Variants in TOGARAM2 observed in about 807,000 individuals in gnomAD.
The protein encoded by TOGARAM2 is TOG array regulator of axonemal microtubules protein 2.
TOGARAM2 carries 85 observed loss-of-function variants against 93.3 expected under a neutral mutation model. The observed-to-expected ratio is 0.91, with a 90% CI of 0.76 to 1.09. TOGARAM2 has a LOEUF of 1.09. Among genes scored for constraint, TOGARAM2 ranks in the 50% least tolerant of loss-of-function variants. TOGARAM2 has a pLI of 0.00. For synonymous variants in TOGARAM2, 593 were observed against 552.8 expected (o/e 1.07, Z -1.02); for missense variants, 1,277 against 1,334.5 (o/e 0.96, Z 0.67).
intron 10 of TOGARAM2, among the ~76,000 whole-genome samples, chr2:29,019,202 A>G (rs1328565828): frequency 9.1e-6 from 1 of 109,478 alleles, no homozygotes; most frequent in East Asian, 2.4e-4. Flanking sequence ...TTTTTTTATG[A>G]CAGAGTCTCA....
At chr2:29,006,905 C>A (rs543225936) in intron 6 of TOGARAM2, among the ~76,000 whole-genome samples, 3 of 152,300 alleles carry the variant, frequency 2.0e-5, no homozygotes, top group African/African-American at 7.2e-5. Context: ...TGGCCCCAGA[C>A]CTGTGGCCTT....
upstream of TOGARAM2, among the ~76,000 whole-genome samples, chr2:28,979,770 C>T (rs7599523): frequency 0.021 from 3,124 of 152,288 alleles, 108 homozygotes; most frequent in African/African-American, 0.072. Flanking sequence ...TAAGTCTGGC[C>T]CTTACACCAA....
chr2:28,995,701 T>C (rs1264036594), intron 2 of TOGARAM2, among the ~76,000 whole-genome samples: 1 of 152,250 alleles, frequency 6.6e-6, no homozygotes, highest in Admixed American at 6.5e-5. Flanking sequence ...CTCCTTTGCT[T>C]TACTGATGTG....
chr2:29,036,497 C>T (rs764436910), intron 17 of TOGARAM2, 44 bp from the exon 18 acceptor site: 3 of 1,604,290 alleles, frequency 1.9e-6, no homozygotes, highest in Non-Finnish European at 1.7e-6. Context: ...GAGTCCTGCC[C>T]AGCCTGGGTT....
intron 3 of TOGARAM2, among the ~76,000 whole-genome samples, chr2:28,998,956 C>T (rs924351033): frequency 1.3e-5 from 2 of 152,122 alleles, no homozygotes; most frequent in Admixed American, 6.5e-5. Flanking sequence ...TGGATTCCCC[C>T]TTTTGTCCTG....
intron 1 of TOGARAM2, 121 bp downstream of exon 1, chr2:28,981,659 C>G: frequency 6.5e-6 from 1 of 152,676 alleles, no homozygotes; most frequent in Non-Finnish European, 1.5e-5. Context: ...CACAAACACA[C>G]AGAGAAAGAA....
intron 6 of TOGARAM2, among the ~76,000 whole-genome samples, chr2:29,005,371 CGTGCATGTATGTGG>C (rs1215163165): frequency 3.8e-5 from 2 of 52,268 alleles, no homozygotes; most frequent in Non-Finnish European, 5.7e-5. Flanking sequence ...TGTGTGAGAA[CGTGCATGTATGTGG>C]GTGCATGTAT....
chr2:29,019,971 C>A (rs1664831377), intron 10 of TOGARAM2, among the ~76,000 whole-genome samples: 1 of 152,188 alleles, frequency 6.6e-6, no homozygotes, highest in Non-Finnish European at 1.5e-5. Flanking sequence ...CTCAGCGAGG[C>A]AAATTTACTT....
In TOGARAM2 at chr2:29,024,305, C is replaced by A. The variant is rs772917605; in HGVS notation, c.1784C>A (p.Ser595Tyr). Reference protein sequence around the residue: ...NEFIQRAAGQSLRAMVENVTL... With the variant: ...NEFIQRAAGQYLRAMVENVTL... The stretch of plus-strand genomic sequence containing the variant: ...TTCATCCAGAGAGCAGCCGGCCAGT[C>A]TCTGAGGGCTATGGTGGAGAATGTG... Residue 595 changes from serine to tyrosine, a missense_variant, in exon 13 of 20, where the codon TCT becomes TAT. By Grantham distance (144) the Ser-to-Tyr change is moderately radical. Coordinates refer to ENST00000379558, the MANE Select transcript of TOGARAM2 (RefSeq NM_199280.4). 15 of 1,613,456 alleles carry A rather than the reference C, an allele frequency of 9.3e-6. No homozygotes were observed. The highest frequency in any genetic ancestry group is 1.3e-5 in the Non-Finnish European group (15 of 1,179,676).
intron 16 of TOGARAM2, among the ~76,000 whole-genome samples, chr2:29,034,746 A>G (rs1210713550): frequency 1.3e-5 from 2 of 152,320 alleles, no homozygotes; most frequent in East Asian, 1.9e-4. Context: ...CAATGTCCCC[A>G]GTTGCTGGGG....
At position 29,036,744 on chromosome 2, in the gene TOGARAM2, G is replaced by T; in HGVS notation, c.2622G>T (p.Met874Ile). ...CTGCCGTGGCTGTGCTGGATGCGAT[G>T]GTTGAGAGCCTGGGTGAGTGTCCCA... ...YAAAVAVLDAMVESLDNLCLL... is the reference protein window; with the variant it reads ...YAAAVAVLDAIVESLDNLCLL... The change falls in exon 18 of 20, where the codon ATG (methionine) becomes ATT (isoleucine). Residue 874 changes from methionine (M) to isoleucine (I), a missense_variant. Physicochemically the swap from Met to Ile is conservative, Grantham distance 10. Transcript: ENST00000379558. 6.2e-7 allele frequency: 1 copy of T among 1,612,964 alleles called. No individual in the cohort carries two copies. The highest frequency in any genetic ancestry group is 1.1e-5 in the South Asian group (1 of 90,802).
rs375156779 is a variant in TOGARAM2, at chr2:29,014,487, G to C, written c.970G>C (p.Ala324Pro). Residue 324 changes from alanine (A) to proline (P), a missense_variant, in exon 8 of 20, where the codon GCC (alanine) becomes CCC (proline). Physicochemically the swap from Ala to Pro is conservative, Grantham distance 27. Transcript: ENST00000379558. The part of the protein sequence containing the change: ...PFSQSAPTLT[A>P]FSFDCAREAC... Reference sequence around the variant, plus strand: ...TTCTCAGTCTGCTCCCACGCTGACAGCCTTCTCCTTTGACTGTGCCAGAGA... The same window carrying C: ...TTCTCAGTCTGCTCCCACGCTGACACCCTTCTCCTTTGACTGTGCCAGAGA... The C allele has an allele frequency of 6.3e-7, 1 of 1,591,626 alleles. No individual in the cohort carries two copies. The highest frequency in any genetic ancestry group is 8.6e-7 in the Non-Finnish European group (1 of 1,169,274).
chr2:28,985,053 A>G (rs1188281222), intron 1 of TOGARAM2, among the ~76,000 whole-genome samples: 1 of 152,202 alleles, frequency 6.6e-6, no homozygotes, highest in African/African-American at 2.4e-5. Flanking sequence ...CGTCCCACAA[A>G]TGCAAATGTT....
At chr2:29,031,693 C>T (rs1665774469) in intron 14 of TOGARAM2, among the ~76,000 whole-genome samples, 1 of 152,176 alleles carries the variant, frequency 6.6e-6, no homozygotes, top group Non-Finnish European at 1.5e-5. Context: ...AAGAACTTTA[C>T]CTGACCTAAG....
rs531678477 is a variant in TOGARAM2, at chr2:29,023,320, C to T, written c.1617+129C>T. 2.0e-5 allele frequency: 15 copies of T among 743,842 alleles called. No individual in the cohort carries two copies. In the East Asian group the frequency reaches 4.3e-4, roughly 21 times the overall value. The allele number at this position is 743,842 out of a possible 1,614,324, so 46.1% of individuals were successfully genotyped here. On this transcript the variant is annotated intron_variant, in intron 12 of 19. Transcript: ENST00000379558. ...TCCCTGCTTATTTCTCAGCCTTCAG[C>T]CACTGAGGTAGGAGGTAGCCACCCA...
intron 1 of TOGARAM2, among the ~76,000 whole-genome samples, chr2:28,969,060 G>A (rs982376434): frequency 7.9e-5 from 12 of 152,022 alleles, no homozygotes; most frequent in African/African-American, 2.9e-4. Flanking sequence ...ATTTCTCTTT[G>A]GTCTCACCAG....
intron 18 of TOGARAM2, among the ~76,000 whole-genome samples, chr2:29,044,995 C>T (rs1246120618): frequency 6.6e-6 from 1 of 152,116 alleles, no homozygotes; most frequent in Non-Finnish European, 1.5e-5. Context: ...CATCTTCTGT[C>T]ATCTATCTAC....
intron 7 of TOGARAM2, among the ~76,000 whole-genome samples, 181 bp downstream of exon 7, chr2:29,011,682 G>A (rs1391180054): frequency 2.6e-5 from 4 of 152,190 alleles, no homozygotes; most frequent in South Asian, 4.1e-4. Flanking sequence ...GGGCCCGGGC[G>A]AGGTGTGGAA....
At chr2:28,978,030 C>A (rs949212462), upstream of TOGARAM2, among the ~76,000 whole-genome samples, 1 of 152,284 alleles carries the variant, frequency 6.6e-6, no homozygotes, top group East Asian at 1.9e-4. Context: ...TCTCAGCCTC[C>A]TGAGTAGCTG....
Sources: allele counts gnomAD v4.1 joint callset (sites outside exome capture counted in the v4.1 genomes callset), GRCh38; gene constraint gnomAD v4.1.1; transcripts MANE v1.5; gene names NCBI Gene and HGNC (gene_info 2026-07-23, HGNC 2026-07-21).